PHACTR1: variants seen among roughly 807,000 people sequenced by gnomAD.
PHACTR1 encodes phosphatase and actin regulator 1.
In PHACTR1, 16 loss-of-function variants were observed where a neutral mutation model predicts 69.2. The observed-to-expected ratio is 0.23, with a 90% CI of 0.16 to 0.35. The LOEUF is 0.35. Among genes scored for constraint, PHACTR1 ranks in the 10% least tolerant of loss-of-function variants. The pLI is 1.00. For synonymous variants in PHACTR1, 312 were observed against 284.5 expected (o/e 1.10, Z -0.97); for missense variants, 510 against 734.7 (o/e 0.69, Z 3.54).
chr6:13,028,141 T>G (rs1362081415), intron 4 of PHACTR1, among the ~76,000 whole-genome samples: 2 of 151,072 alleles, frequency 1.3e-5, no homozygotes, highest in Non-Finnish European at 2.9e-5. Flanking sequence ...TCTTGTTTTT[T>G]GTTTGTTTGT....
At chr6:12,797,520 A>G (rs2127671811) in intron 4 of PHACTR1, among the ~76,000 whole-genome samples, 1 of 152,282 alleles carries the variant, frequency 6.6e-6, no homozygotes, top group East Asian at 1.9e-4. Context: ...TTTGGAGCCT[A>G]CAGACTAGGA....
intron 5 of PHACTR1, among the ~76,000 whole-genome samples, chr6:13,109,531 A>AT (rs1287660751): frequency 6.6e-6 from 1 of 151,484 alleles, no homozygotes; most frequent in South Asian, 2.1e-4. Flanking sequence ...TGTATCTAAT[A>AT]TTTTTTCTCT....
rs758808875 is a variant in PHACTR1 at position 12,906,451 on chromosome 6, C to T, written c.251-146914C>T. Among the ~76,000 whole-genome samples, 264 of 152,210 alleles carry T rather than the reference C, an allele frequency of 1.7e-3. 2 individuals are homozygous for T. The highest frequency in any genetic ancestry group is 2.1e-3 in the Non-Finnish European group (146 of 68,012). On this transcript the variant is annotated intron_variant, in intron 4 of 14. Coordinates refer to ENST00000332995, the MANE Select transcript of PHACTR1 (RefSeq NM_030948.6). ...TCTTGATAATAAACTAAAATATTTC[C>T]TTCTCTCAGATCATCTGTATGTTTT... is the stretch of plus-strand genomic sequence containing the variant.
At chr6:12,778,553 T>TA (rs1382780249) in intron 4 of PHACTR1, among the ~76,000 whole-genome samples, 2 of 152,196 alleles carry the variant, frequency 1.3e-5, no homozygotes, top group Non-Finnish European at 2.9e-5. Context: ...TTGTTGCTGT[T>TA]ACACACAAAA....
At chr6:12,994,057 A>G (rs1043802778) in intron 4 of PHACTR1, among the ~76,000 whole-genome samples, 1 of 152,236 alleles carries the variant, frequency 6.6e-6, no homozygotes, top group East Asian at 1.9e-4. Flanking sequence ...TAGGAGCCAC[A>G]GTGAAAAAGA....
At position 12,799,791 on chromosome 6, in the gene PHACTR1, T is replaced by G. The variant is rs954846283; in HGVS notation, c.250+50001T>G. On this transcript the variant is annotated intron_variant, in intron 4 of 14. Coordinates refer to ENST00000332995, the MANE Select transcript of PHACTR1 (RefSeq NM_030948.6). ...ATAATGAAATAAAGGTGGATTCTTA[T>G]AGAATTTTTTCTAGGCAAACTGTTA... Among the ~76,000 whole-genome samples the G allele has an allele frequency of 2.6e-5, 4 of 152,218 alleles. No homozygotes were observed. In the South Asian group the frequency reaches 8.3e-4, roughly 31 times the overall value.
At position 12,749,253 on chromosome 6, in the gene PHACTR1, T is replaced by G. The variant is rs73722816; in HGVS notation, c.104-391T>G. 5.7e-3 allele frequency among the ~76,000 whole-genome samples: 871 copies of G among 152,312 alleles called. 12 individuals carry two copies. Among genetic ancestry groups the G allele is most frequent in the African/African-American group, 0.02 (846 of 41,576 alleles). On this transcript the variant is annotated intron_variant, in intron 3 of 14. Transcript: ENST00000332995. ...CATCTCTGCGTTGGAGTCGTCCCTT[T>G]CGCAAGAGCCTATCTGTGCCAAGGG... is the stretch of plus-strand genomic sequence containing the variant.
chr6:13,041,529 G>C (rs1434877498), intron 4 of PHACTR1, among the ~76,000 whole-genome samples: 1 of 152,102 alleles, frequency 6.6e-6, no homozygotes, highest in East Asian at 1.9e-4. Flanking sequence ...TAAGGAAACA[G>C]GGTAATGTCA....
intron 7 of PHACTR1, among the ~76,000 whole-genome samples, chr6:13,204,184 A>G (rs1765591568): frequency 6.6e-6 from 1 of 152,156 alleles, no homozygotes; most frequent in African/African-American, 2.4e-5. Flanking sequence ...AAGGCCTTGA[A>G]TGATGTATCA....
Position 13,227,924 on chromosome 6 carries a change from G to T in PHACTR1, c.1095G>T (p.Val365=), listed in dbSNP as rs1280924287. Residue 365 remains valine, a synonymous_variant, in exon 9 of 15, where the codon GTG becomes GTT. Coordinates refer to ENST00000332995, the MANE Select transcript of PHACTR1 (RefSeq NM_030948.6). ...GPMGLPEIRQ[V]PTVVIECDDN... is the part of the protein sequence containing the mutation. The stretch of plus-strand genomic sequence containing the variant: ...TGGGCCTTCCAGAAATAAGACAAGT[G>T]CCAACTGTTGTGATTGAATGTGATG... The T allele has an allele frequency of 3.1e-6, 5 of 1,613,900 alleles. No individual in the cohort carries two copies. The highest frequency in any genetic ancestry group is 4.2e-6 in the Non-Finnish European group (5 of 1,179,906).
At position 12,853,174 on chromosome 6, in the gene PHACTR1, G is replaced by A. The variant is rs866617731; in HGVS notation, c.250+103384G>A. The stretch of plus-strand genomic sequence containing the variant: ...TGTCAAGAAACAAACATTGTAAAAT[G>A]TATAAAATTGGATAAAAAACAATCC... On this transcript the variant is annotated intron_variant, in intron 4 of 14. Coordinates refer to ENST00000332995, the MANE Select transcript of PHACTR1 (RefSeq NM_030948.6). Among the ~76,000 whole-genome samples, 55 of 152,184 alleles carry A rather than the reference G, an allele frequency of 3.6e-4. 1 individual carries two copies. The highest frequency in any genetic ancestry group is 1.7e-3 in the South Asian group (8 of 4,828).
chr6:13,284,790 A>G (rs1243874866), intron 13 of PHACTR1, among the ~76,000 whole-genome samples: 1 of 152,098 alleles, frequency 6.6e-6, no homozygotes, highest in Non-Finnish European at 1.5e-5. Context: ...AGGTGCAGGA[A>G]ACATGTATGC....
intron 4 of PHACTR1, among the ~76,000 whole-genome samples, chr6:12,845,429 A>C (rs56387793): frequency 0.45 from 7,983 of 17,628 alleles, 847 homozygotes; most frequent in Middle Eastern, 0.47. Context: ...AACACCACCC[A>C]CCCCCCCCCC....
intron 7 of PHACTR1, among the ~76,000 whole-genome samples, chr6:13,189,639 A>C (rs1561964968): frequency 6.6e-6 from 1 of 152,092 alleles, no homozygotes; most frequent in Admixed American, 6.6e-5. Context: ...AGCTCAAGTG[A>C]TCCACCCATC....
chr6:12,718,448 A>C (rs1196688293), intron 2 of PHACTR1: 1 of 180,856 alleles, frequency 5.5e-6, no homozygotes, highest in Non-Finnish European at 1.1e-5. Flanking sequence ...CTGGTATGTT[A>C]TCTCTCTTTA....
At chr6:13,108,370 G>A (rs1357751788) in intron 5 of PHACTR1, among the ~76,000 whole-genome samples, 1 of 152,046 alleles carries the variant, frequency 6.6e-6, no homozygotes, top group African/African-American at 2.4e-5. Flanking sequence ...TAAAGTATCT[G>A]ATAAATGACA....
chr6:12,750,131 C>T (rs543525566), intron 4 of PHACTR1, among the ~76,000 whole-genome samples: 1 of 152,342 alleles, frequency 6.6e-6, no homozygotes, highest in East Asian at 1.9e-4. Flanking sequence ...GCGAGGCTCC[C>T]CGGGCGAGGT....
At chr6:13,240,382 A>AC (rs1772649556) in intron 10 of PHACTR1, among the ~76,000 whole-genome samples, 1 of 145,406 alleles carries the variant, frequency 6.9e-6, no homozygotes, top group African/African-American at 2.7e-5. Context: ...AGCAGAAGGC[A>AC]GAAGAAAGGC....
intron 4 of PHACTR1, among the ~76,000 whole-genome samples, chr6:12,930,072 T>C (rs879883789): frequency 6.6e-6 from 1 of 151,952 alleles, no homozygotes; most frequent in African/African-American, 2.4e-5. Context: ...GATGGGGATC[T>C]TGCTCTGTCA....
Sources: allele counts gnomAD v4.1 joint callset (sites outside exome capture counted in the v4.1 genomes callset), GRCh38; gene constraint gnomAD v4.1.1; transcripts MANE v1.5; gene names NCBI Gene and HGNC (gene_info 2026-07-23, HGNC 2026-07-21).